Variants in C21orf91 observed in about 807,000 individuals in gnomAD.
C21orf91 encodes chromosome 21 open reading frame 91.
A neutral mutation model predicts 32.9 loss-of-function variants in C21orf91; 26 were observed. The observed-to-expected ratio is 0.79, with a 90% CI of 0.58 to 1.10. The LOEUF is 1.10. Among genes scored for constraint, C21orf91 ranks in the 50% least tolerant of loss-of-function variants. The probability of loss-of-function intolerance (pLI) is 0.00; values close to 1 mark genes in which losing one functional copy is unlikely to be tolerated. For synonymous variants in C21orf91, 126 were observed against 120.4 expected, an observed-to-expected ratio of 1.05 and a Z score of -0.31; for missense variants, 310 against 341.3, an observed-to-expected ratio of 0.91 and a Z score of 0.72.
At position 17,806,013 on chromosome 21, in the gene C21orf91, A is replaced by C. The variant is rs369613029; in HGVS notation, c.128-8895T>G. ...GACAAGGGTAAAAAGATGTTACTTA[A>C]ACAAAAGATAGCCTTAAAAATGCCT... On this transcript the variant is annotated intron_variant, in intron 2 of 4. Coordinates refer to ENST00000284881, the MANE Select transcript of C21orf91 (RefSeq NM_001100420.2). Among the ~76,000 whole-genome samples, 21 of 152,340 alleles carry C rather than the reference A, an allele frequency of 1.4e-4. No homozygotes were observed. The East Asian group carries it at 4.1e-3, about 29-fold the overall frequency.
chr21:17,796,469 A>G, intron 3 of C21orf91, 113 bp downstream of exon 3: 1 of 807,010 alleles, frequency 1.2e-6, no homozygotes, highest in Non-Finnish European at 2.0e-6. Flanking sequence ...GTTAAATACA[A>G]TGTTTCCCAA....
chr21:17,796,529 T>A, intron 3 of C21orf91, 53 bp downstream of exon 3: 1 of 1,364,056 alleles, frequency 7.3e-7, no homozygotes, highest in Non-Finnish European at 1.0e-6. Flanking sequence ...TCTATACAAA[T>A]GTACAAAAAT....
intron 2 of C21orf91, among the ~76,000 whole-genome samples, chr21:17,802,352 A>C (rs939767332): frequency 6.6e-6 from 1 of 152,002 alleles, no homozygotes; most frequent in Non-Finnish European, 1.5e-5. Flanking sequence ...GTAGAGATGG[A>C]GTTTCACCAT....
intron 2 of C21orf91, among the ~76,000 whole-genome samples, chr21:17,805,698 C>A (rs1033532038): frequency 2.0e-5 from 3 of 152,136 alleles, no homozygotes; most frequent in Non-Finnish European, 4.4e-5. Flanking sequence ...TAAAGTAAAT[C>A]AAATTTGGAC....
intron 2 of C21orf91, among the ~76,000 whole-genome samples, chr21:17,814,914 A>C (rs1284799933): frequency 6.6e-6 from 1 of 152,250 alleles, no homozygotes; most frequent in Non-Finnish European, 1.5e-5. Flanking sequence ...ATTAAAAAAT[A>C]TCTGAGTCCT....
At chr21:17,805,723 A>C (rs1261417114) in intron 2 of C21orf91, among the ~76,000 whole-genome samples, 1 of 152,220 alleles carries the variant, frequency 6.6e-6, no homozygotes, top group African/African-American at 2.4e-5. Flanking sequence ...AGGTTTAATT[A>C]ACATTATGTT....
chr21:17,819,316 G>A lies in C21orf91; in HGVS notation c.-21C>T, dbSNP rs985894577. Reference sequence around the variant, plus strand: ...CGGGGTCTTTACCGTCCGGCTCCGCGGGCCACCACCGCCGTTCCGTGCGGC... The same window carrying A: ...CGGGGTCTTTACCGTCCGGCTCCGCAGGCCACCACCGCCGTTCCGTGCGGC... On this transcript the variant is annotated 5_prime_UTR_variant, in exon 1 of 5. Coordinates refer to ENST00000284881, the MANE Select transcript of C21orf91 (RefSeq NM_001100420.2). 2 of 152,380 alleles carry A rather than the reference G, an allele frequency of 1.3e-5. No homozygotes were observed. The highest frequency in any genetic ancestry group is 2.1e-4 in the South Asian group (1 of 4,834). 9.4% of individuals were successfully genotyped at this position (152,380 alleles called of 1,614,324 possible).
intron 4 of C21orf91, among the ~76,000 whole-genome samples, chr21:17,794,831 C>G (rs113638629): frequency 6.6e-6 from 1 of 151,928 alleles, no homozygotes; most frequent in Non-Finnish European, 1.5e-5. Flanking sequence ...CTTTGGGAGG[C>G]TGAGGCAGGA....
chr21:17,818,129 A>G, intron 2 of C21orf91, 63 bp downstream of exon 2: 8 of 1,234,226 alleles, frequency 6.5e-6, no homozygotes, highest in Non-Finnish European at 1.2e-6. Flanking sequence ...TTTACCTTAC[A>G]ATCAGTACAA....
intron 3 of C21orf91, 135 bp from the exon 4 acceptor site, chr21:17,795,405 C>T (rs1184405702): frequency 1.5e-6 from 1 of 652,244 alleles, no homozygotes; most frequent in African/African-American, 1.8e-5. Flanking sequence ...CTCCAGTATT[C>T]AACCATTAAC....
chr21:17,814,385 AG>A (rs1324621150), intron 2 of C21orf91, among the ~76,000 whole-genome samples: 1 of 152,232 alleles, frequency 6.6e-6, no homozygotes, highest in Non-Finnish European at 1.5e-5. Context: ...GTAAGTATTT[AG>A]GAAGTTTATG....
chr21:17,811,706 ATTTCT>A (rs1463257215), intron 2 of C21orf91, among the ~76,000 whole-genome samples: 2 of 152,266 alleles, frequency 1.3e-5, no homozygotes, highest in East Asian at 3.9e-4. Flanking sequence ...CTGATAAAAC[ATTTCT>A]TTTCATCTCT....
intron 2 of C21orf91, among the ~76,000 whole-genome samples, chr21:17,801,255 A>G (rs2062557468): frequency 2.0e-5 from 3 of 152,054 alleles, no homozygotes; most frequent in Admixed American, 2.0e-4. Context: ...ACACAGGAAC[A>G]GAAAACCAAA....
intron 2 of C21orf91, among the ~76,000 whole-genome samples, chr21:17,808,184 TCCCA>T (rs933952235): frequency 1.3e-5 from 2 of 152,202 alleles, no homozygotes; most frequent in African/African-American, 2.4e-5. Context: ...ACTGCTCATG[TCCCA>T]GCCACTTCAG....
At chr21:17,812,712 A>T (rs1461719653) in intron 2 of C21orf91, among the ~76,000 whole-genome samples, 2 of 152,088 alleles carry the variant, frequency 1.3e-5, no homozygotes, top group African/African-American at 2.4e-5. Context: ...AGGAGGCTGA[A>T]GCAGGAGAAT....
chr21:17,802,444 G>A lies in C21orf91; in HGVS notation c.128-5326C>T, dbSNP rs562980874. The stretch of plus-strand genomic sequence containing the variant: ...GCAAAGTGCTGGGATTACATGTGGC[G>A]TGTAATCCTGGGATCACAGTGGCGT... On this transcript the variant is annotated intron_variant, in intron 2 of 4. Transcript: ENST00000284881. 8.5e-5 allele frequency among the ~76,000 whole-genome samples: 13 copies of A among 152,256 alleles called. No homozygotes were observed. In the East Asian group the frequency reaches 1.5e-3, roughly 18 times the overall value.
At chr21:17,808,140 C>T (rs2062610299) in intron 2 of C21orf91, among the ~76,000 whole-genome samples, 1 of 152,216 alleles carries the variant, frequency 6.6e-6, no homozygotes, top group Non-Finnish European at 1.5e-5. Context: ...ATGGCCTGGG[C>T]CCAGGGCCCT....
intron 4 of C21orf91, among the ~76,000 whole-genome samples, chr21:17,794,798 G>A (rs1344745242): frequency 2.0e-5 from 3 of 152,100 alleles, no homozygotes; most frequent in African/African-American, 4.8e-5. Flanking sequence ...TGGGCGCAGT[G>A]GCTCACACCT....
rs751781246 is a variant in C21orf91, at chr21:17,797,166, A to G, written c.128-48T>C. 1.5e-5 allele frequency: 19 copies of G among 1,250,040 alleles called. No individual in the cohort carries two copies. The East Asian group carries it at 3.2e-4, about 21-fold the overall frequency. The allele number at this position is 1,250,040 out of a possible 1,614,324, so 77.4% of individuals were successfully genotyped here. A position where few individuals can be genotyped will look rare whatever the true frequency, so the allele number is the denominator to read the frequency against. Reference sequence around the variant, plus strand: ...AAAGACTTGAGAAATTTTGTTTTCTATAAGTCACTTTAAGAACATACAAAT... The same window carrying G: ...AAAGACTTGAGAAATTTTGTTTTCTGTAAGTCACTTTAAGAACATACAAAT... On this transcript the variant is annotated intron_variant, in intron 2 of 4. Transcript: ENST00000284881.
Sources: allele counts gnomAD v4.1 joint callset (sites outside exome capture counted in the v4.1 genomes callset), GRCh38; gene constraint gnomAD v4.1.1; transcripts MANE v1.5; gene names NCBI Gene and HGNC (gene_info 2026-07-23, HGNC 2026-07-21).